Variants in AUTS2 observed in about 807,000 individuals in gnomAD.
AUTS2 encodes the protein autism susceptibility gene 2 protein.
Under a neutral mutation model 112.4 loss-of-function variants are expected in AUTS2, and 17 were observed. The ratio of observed to expected loss-of-function variants is 0.15; its 90% CI spans 0.10 to 0.23. AUTS2 has a LOEUF of 0.23. Ranked by LOEUF, AUTS2 falls within the 10% of genes least tolerant of loss-of-function variation. The pLI is 1.00. For synonymous variants in AUTS2, 751 were observed against 702.7 expected, an observed-to-expected ratio of 1.07 and a Z score of -1.09; for missense variants, 1,510 against 1,701.6, an observed-to-expected ratio of 0.89 and a Z score of 1.98.
intron 5 of AUTS2, among the ~76,000 whole-genome samples, chr7:70,516,507 G>A (rs1056598763): frequency 2.6e-5 from 4 of 152,280 alleles, no homozygotes; most frequent in South Asian, 2.1e-4. Context: ...GAAGAGCATT[G>A]GAGTCTGAGC....
At chr7:70,353,629 G>T (rs1039381532) in intron 4 of AUTS2, among the ~76,000 whole-genome samples, 5 of 152,020 alleles carry the variant, frequency 3.3e-5, no homozygotes, top group Non-Finnish European at 5.9e-5. Flanking sequence ...GTTCATAAAG[G>T]GTCTGTAAAT....
intron 4 of AUTS2, among the ~76,000 whole-genome samples, chr7:70,241,126 G>A (rs1171351048): frequency 6.6e-6 from 1 of 152,098 alleles, no homozygotes; most frequent in South Asian, 2.1e-4. Context: ...CGGATTCATG[G>A]TCCTGCCTGA....
intron 2 of AUTS2, among the ~76,000 whole-genome samples, chr7:70,113,803 G>A (rs1805213485): frequency 6.6e-6 from 1 of 152,160 alleles, no homozygotes; most frequent in Admixed American, 6.5e-5. Context: ...CCATATCCAA[G>A]CTGAAAAGAA....
At chr7:70,704,621 C>G (rs1200501231) in intron 6 of AUTS2, among the ~76,000 whole-genome samples, 1 of 152,204 alleles carries the variant, frequency 6.6e-6, no homozygotes, top group East Asian at 1.9e-4. Context: ...AATATGCATT[C>G]ATGATAGACA....
intron 5 of AUTS2, among the ~76,000 whole-genome samples, chr7:70,454,188 G>T (rs1322381843): frequency 1.3e-5 from 2 of 152,126 alleles, no homozygotes; most frequent in African/African-American, 4.8e-5. Flanking sequence ...GATCTGAATG[G>T]GGGTCTCTCT....
chr7:69,817,442 T>G (rs1018769181), intron 1 of AUTS2, among the ~76,000 whole-genome samples: 20 of 152,196 alleles, frequency 1.3e-4, no homozygotes, highest in African/African-American at 4.8e-4. Context: ...AAGGAGAGTA[T>G]GTCTGGCTAA....
At chr7:69,615,735 A>G (rs371200325) in intron 1 of AUTS2, among the ~76,000 whole-genome samples, 2 of 152,210 alleles carry the variant, frequency 1.3e-5, no homozygotes, top group South Asian at 4.1e-4. Flanking sequence ...TGGAAATTAC[A>G]TTGTTGAAAT....
intron 5 of AUTS2, among the ~76,000 whole-genome samples, chr7:70,654,617 A>G (rs1363455025): frequency 6.6e-6 from 1 of 152,218 alleles, no homozygotes; most frequent in African/African-American, 2.4e-5. Context: ...TTCAGTATAT[A>G]TTTCAGGGTT....
intron 1 of AUTS2, among the ~76,000 whole-genome samples, chr7:69,647,019 C>A (rs997607589): frequency 9.2e-5 from 14 of 152,094 alleles, no homozygotes; most frequent in African/African-American, 2.9e-4. Context: ...ACCCGGGAGG[C>A]GGAGCTTGCA....
chr7:69,610,194 C>T (rs762276117), intron 1 of AUTS2, among the ~76,000 whole-genome samples: 3 of 152,208 alleles, frequency 2.0e-5, no homozygotes, highest in Non-Finnish European at 4.4e-5. Context: ...ATGATTGATA[C>T]GCTGTCCTAT....
At chr7:70,362,290 C>T (rs899451307) in intron 4 of AUTS2, among the ~76,000 whole-genome samples, 2 of 152,154 alleles carry the variant, frequency 1.3e-5, no homozygotes, top group Non-Finnish European at 2.9e-5. Flanking sequence ...TACCTGTCTT[C>T]CCTCCCTTGT....
chr7:70,394,049 C>G (rs1793980479), intron 4 of AUTS2, among the ~76,000 whole-genome samples: 1 of 152,190 alleles, frequency 6.6e-6, no homozygotes. Context: ...AGCTGTCTCC[C>G]TGAAGGTTTT....
chr7:70,003,966 ATT>A (rs1491527619), intron 2 of AUTS2, among the ~76,000 whole-genome samples: 3 of 79,958 alleles, frequency 3.8e-5, no homozygotes, highest in Admixed American at 1.7e-4. Context: ...GAATATATAT[ATT>A]ATATATGAAT....
chr7:70,088,319 G>A (rs1433289205), intron 2 of AUTS2, among the ~76,000 whole-genome samples: 1 of 151,618 alleles, frequency 6.6e-6, no homozygotes, highest in East Asian at 1.9e-4. Flanking sequence ...AGTAGAGATG[G>A]GGTTTCACCA....
chr7:69,954,239 G>A (rs1277451798), intron 2 of AUTS2, among the ~76,000 whole-genome samples: 1 of 151,996 alleles, frequency 6.6e-6, no homozygotes, highest in Non-Finnish European at 1.5e-5. Context: ...ATGCCACATA[G>A]TGACTATAGT....
chr7:70,238,770 T>A (rs1209052794), intron 4 of AUTS2, among the ~76,000 whole-genome samples: 1 of 152,118 alleles, frequency 6.6e-6, no homozygotes, highest in Non-Finnish European at 1.5e-5. Flanking sequence ...TCCCCCACCT[T>A]ATTTATATTA....
chr7:69,985,761 C>G (rs1275404745), intron 2 of AUTS2, among the ~76,000 whole-genome samples: 1 of 143,858 alleles, frequency 7.0e-6, no homozygotes, highest in African/African-American at 2.5e-5. Context: ...GCCCCCTTTA[C>G]TTTTTTTTTT....
chr7:70,329,563 T>G (rs188547511), intron 4 of AUTS2, among the ~76,000 whole-genome samples: 1 of 151,884 alleles, frequency 6.6e-6, no homozygotes, highest in East Asian at 1.9e-4. Flanking sequence ...TGGCCATTTT[T>G]ATATTTTTTT....
In AUTS2 at chr7:70,789,678, G is replaced by A. The variant is rs919273390; in HGVS notation, c.2532-70G>A. On this transcript the variant is annotated intron_variant, in intron 18 of 18. Transcript: ENST00000342771. ...TCCTCTTCACACCACCATTTCACCC[G>A]CAGCCCCTGGCCCGGCCGACTCGCC... 2.7e-5 allele frequency: 42 copies of A among 1,527,920 alleles called. 1 individual carries two copies. Among genetic ancestry groups the A allele is most frequent in the African/African-American group, 5.5e-5 (4 of 72,754 alleles). The allele number at this position is 1,527,920 out of a possible 1,614,324, so 94.6% of individuals were successfully genotyped here.
Sources: gnomAD v4.1 joint callset for allele counts (sites outside exome capture counted in the v4.1 genomes callset) on GRCh38, gnomAD v4.1.1 for gene constraint, MANE v1.5 for transcripts, NCBI Gene and HGNC (gene_info 2026-07-23, HGNC 2026-07-21) for gene names.